The following ARID4A variants were observed in gnomAD, a reference collection of about 807,000 sequenced individuals.
ARID4A encodes AT-rich interaction domain 4A.
ARID4A carries 39 observed loss-of-function variants against 148.6 expected under a neutral mutation model. That is an observed-to-expected ratio of 0.26 (90% CI 0.20 to 0.34). ARID4A has a LOEUF of 0.34. ARID4A is among the 10% of genes least tolerant of loss of function. The pLI is 1.00. For synonymous variants in ARID4A, 475 were observed against 481.2 expected (o/e 0.99, Z 0.17); for missense variants, 1,265 against 1,449.1 (o/e 0.87, Z 2.06).
rs1370815069 is a variant in ARID4A, at chr14:58,341,167, T to C, written c.907-3528T>C. Among the ~76,000 whole-genome samples, 3 of 152,206 alleles carry C rather than the reference T, an allele frequency of 2.0e-5. No homozygotes were observed. In the East Asian group the frequency reaches 5.8e-4, roughly 29 times the overall value. On this transcript the variant is annotated intron_variant, in intron 11 of 23. Transcript: ENST00000355431. ...TAATTCAGGCATGCGTTCTCTTCCTTGTGGACTGTTATAATGGCTTCCTTT... is the reference window on the plus strand; with the variant it reads ...TAATTCAGGCATGCGTTCTCTTCCTCGTGGACTGTTATAATGGCTTCCTTT...
chr14:58,367,194 A>G (rs1218776488), intron 23 of ARID4A, among the ~76,000 whole-genome samples, 165 bp downstream of exon 23: 1 of 152,224 alleles, frequency 6.6e-6, no homozygotes, highest in African/African-American at 2.4e-5. Context: ...CAACTGAGTT[A>G]ATCAGAATGA....
chr14:58,335,983 A>G (rs757772997), intron 11 of ARID4A, among the ~76,000 whole-genome samples: 11 of 149,870 alleles, frequency 7.3e-5, no homozygotes, highest in Admixed American at 6.7e-4. Flanking sequence ...CCCTCCTCCA[A>G]TCTGTTCTCT....
intron 8 of ARID4A, among the ~76,000 whole-genome samples, chr14:58,326,305 T>C (rs2033207003): frequency 6.6e-6 from 1 of 152,082 alleles, no homozygotes; most frequent in Non-Finnish European, 1.5e-5. Context: ...GGCGTGGTGG[T>C]AGGCACCTGT....
At chr14:58,320,118 T>A (rs2032767714) in intron 7 of ARID4A, among the ~76,000 whole-genome samples, 1 of 151,752 alleles carries the variant, frequency 6.6e-6, no homozygotes, top group South Asian at 2.1e-4. Flanking sequence ...CAGCTAATTT[T>A]TCTATTTTTA....
rs1344096085 is a variant in ARID4A, at chr14:58,315,628, GATACTA to G, written c.275-2906_275-2901del. 3.3e-5 allele frequency among the ~76,000 whole-genome samples: 5 copies of G among 152,204 alleles called. No individual in the cohort carries two copies. The South Asian group carries it at 8.3e-4, about 25-fold the overall frequency. ...TTCTTTTTGAAATCTTATACTTACA[GATACTA>G]ATACTAACAAGAATTATATTGTTTG... On this transcript the variant is annotated intron_variant, in intron 5 of 23. Transcript: ENST00000355431.
At chr14:58,338,127 G>A (rs555774032) in intron 11 of ARID4A, among the ~76,000 whole-genome samples, 4 of 152,140 alleles carry the variant, frequency 2.6e-5, no homozygotes, top group East Asian at 1.9e-4. Context: ...AAGATAAAAC[G>A]CAAGTTTTAA....
At position 58,359,116 on chromosome 14, in the gene ARID4A, T is replaced by A; in HGVS notation, c.1854-16T>A. On this transcript the variant is annotated splice_polypyrimidine_tract_variant and intron_variant, in intron 17 of 23. Transcript: ENST00000355431. ...AAAGTTTGTACAAACTCTTTTTTTT[T>A]TTTTTTTTTTTTAAGGTATGATGAG... 6.6e-7 allele frequency: 1 copy of A among 1,524,814 alleles called. No homozygotes were observed. Among genetic ancestry groups the A allele is most frequent in the Non-Finnish European group, 8.7e-7 (1 of 1,144,090 alleles). The allele number at this position is 1,524,814 out of a possible 1,614,324, so 94.5% of individuals were successfully genotyped here.
intron 15 of ARID4A, among the ~76,000 whole-genome samples, chr14:58,348,791 C>CT (rs1205863064): frequency 6.6e-6 from 1 of 152,000 alleles, no homozygotes; most frequent in Non-Finnish European, 1.5e-5. Flanking sequence ...TAAATGGAAT[C>CT]TTCTAGTGAA....
intron 13 of ARID4A, 44 bp from the exon 14 acceptor site, chr14:58,346,962 AAAAAAAAAAAAGAT>A: frequency 2.5e-6 from 1 of 396,892 alleles, no homozygotes; most frequent in Non-Finnish European, 4.3e-6. Context: ...AAAAAAAAAA[AAAAAAAAAAAAGAT>A]TAATTCCCTT....
Position 58,369,614 on chromosome 14 carries a change from C to CAA in ARID4A, c.3671-2255_3671-2254dup, listed in dbSNP as rs34289804. On this transcript the variant is annotated intron_variant, in intron 23 of 23. Coordinates refer to ENST00000355431, the MANE Select transcript of ARID4A (RefSeq NM_002892.4). ...TGGGTGACAGAGTGAGAGTCTGTCT[C>CAA]AAAAAAAAAAAAAAAAAAGTAGATT... is the stretch of plus-strand genomic sequence containing the variant. 3.2e-3 allele frequency among the ~76,000 whole-genome samples: 342 copies of CAA among 106,662 alleles called. 4 individuals are homozygous for CAA. The highest frequency in any genetic ancestry group is 5.2e-3 in the South Asian group (15 of 2,876). 70.0% of individuals were successfully genotyped at this position (106,662 alleles called of 152,430 possible).
chr14:58,314,611 T>C (rs998065317), intron 5 of ARID4A, among the ~76,000 whole-genome samples: 8 of 151,884 alleles, frequency 5.3e-5, no homozygotes, highest in Non-Finnish European at 2.9e-5. Flanking sequence ...TTTTTTTTTG[T>C]AAAGACGGGG....
At chr14:58,318,457 T>G (rs2032619700) in intron 5 of ARID4A, 85 bp from the exon 6 acceptor site, 2 of 1,281,282 alleles carry the variant, frequency 1.6e-6, no homozygotes, top group Non-Finnish European at 2.2e-6. Flanking sequence ...TAAGCTCTAA[T>G]TAATAGCAAT....
At chr14:58,300,577 C>G (rs1195820699) in intron 2 of ARID4A, among the ~76,000 whole-genome samples, 1 of 152,118 alleles carries the variant, frequency 6.6e-6, no homozygotes, top group Non-Finnish European at 1.5e-5. Context: ...GTCTTATTTA[C>G]TGTTTCAGCA....
At chr14:58,324,157 G>T (rs1186542050) in intron 8 of ARID4A, among the ~76,000 whole-genome samples, 1 of 152,082 alleles carries the variant, frequency 6.6e-6, no homozygotes, top group Non-Finnish European at 1.5e-5. Flanking sequence ...GCCCACCTCG[G>T]CCTCCAAAGT....
intron 9 of ARID4A, among the ~76,000 whole-genome samples, chr14:58,328,935 G>A (rs1218553161): frequency 6.6e-6 from 1 of 151,486 alleles, no homozygotes; most frequent in Non-Finnish European, 1.5e-5. Context: ...AGAGGCTGCA[G>A]TGAGCCGAGA....
At chr14:58,350,987 A>G (rs1200773929) in intron 15 of ARID4A, 86 bp from the exon 16 acceptor site, 9 of 1,382,262 alleles carry the variant, frequency 6.5e-6, no homozygotes, top group Middle Eastern at 5.5e-4. Context: ...AGACATTGCT[A>G]TGAAGGTTAA....
intron 23 of ARID4A, among the ~76,000 whole-genome samples, chr14:58,370,714 C>T (rs1220902110): frequency 1.3e-5 from 2 of 151,276 alleles, no homozygotes; most frequent in Non-Finnish European, 1.5e-5. Context: ...TGGGCTCAAG[C>T]GACTCCCACC....
intron 5 of ARID4A, among the ~76,000 whole-genome samples, chr14:58,307,081 T>C (rs372213201): frequency 6.6e-6 from 1 of 152,186 alleles, no homozygotes; most frequent in East Asian, 1.9e-4. Flanking sequence ...TTGATGAGAA[T>C]AGCATTAAGT....
chr14:58,318,705 AT>A lies in ARID4A; in HGVS notation c.355-5del. ...ACGTAATTTAATTAATCTATTTCTTATACAGACACTTGACCAGCTTCCATTA... is the reference window on the plus strand; with the variant it reads ...ACGTAATTTAATTAATCTATTTCTTAACAGACACTTGACCAGCTTCCATTA... On this transcript the variant is annotated splice_polypyrimidine_tract_variant and splice_region_variant and intron_variant, in intron 6 of 23. Transcript: ENST00000355431. 1 of 1,613,868 alleles carries A rather than the reference AT, an allele frequency of 6.2e-7. No homozygotes were observed. Among genetic ancestry groups the A allele is most frequent in the Non-Finnish European group, 8.5e-7 (1 of 1,179,746 alleles).
Sources: allele counts gnomAD v4.1 joint callset (sites outside exome capture counted in the v4.1 genomes callset), GRCh38; gene constraint gnomAD v4.1.1; transcripts MANE v1.5; gene names NCBI Gene and HGNC (gene_info 2026-07-23, HGNC 2026-07-21).